The following DERL1 variants were observed in gnomAD, a reference collection of about 807,000 sequenced individuals.
The protein encoded by DERL1 is derlin-1.
In DERL1, 24 loss-of-function variants were observed where a neutral mutation model predicts 41.6. The ratio of observed to expected loss-of-function variants is 0.58; its 90% confidence interval spans 0.42 to 0.81. DERL1 has a LOEUF of 0.81. DERL1 is among the 30% of genes least tolerant of loss of function. The pLI is 0.00. For missense variants in DERL1, 260 were observed against 314.3 expected, an observed-to-expected ratio of 0.83 and a Z score of 1.31; for synonymous variants, 124 against 112.5, an observed-to-expected ratio of 1.10 and a Z score of -0.65.
chr8:123,033,784 A>G (rs1204193325), intron 1 of DERL1, among the ~76,000 whole-genome samples: 1 of 152,206 alleles, frequency 6.6e-6, no homozygotes, highest in Non-Finnish European at 1.5e-5. Flanking sequence ...TTCCAAGCAT[A>G]CAACCCTAGC....
intron 1 of DERL1, among the ~76,000 whole-genome samples, chr8:123,036,502 G>A (rs1812932312): frequency 6.6e-6 from 1 of 152,170 alleles, no homozygotes; most frequent in African/African-American, 2.4e-5. Context: ...TAGAGATTCT[G>A]TTTCTTGATC....
At chr8:123,034,695 G>A (rs1260387869) in intron 1 of DERL1, among the ~76,000 whole-genome samples, 2 of 152,172 alleles carry the variant, frequency 1.3e-5, no homozygotes, top group African/African-American at 4.8e-5. Flanking sequence ...ATTACAATTA[G>A]TGTAAGTGTT....
chr8:123,019,346 T>C (rs201953852), intron 6 of DERL1, 41 bp from the exon 7 acceptor site: 986 of 1,400,896 alleles, frequency 7.0e-4, no homozygotes, highest in Admixed American at 9.5e-4. Context: ...ATTCAAGCAA[T>C]AGAGATGCAC....
chr8:123,020,843 G>A (rs1166838627), intron 6 of DERL1, among the ~76,000 whole-genome samples: 1 of 149,726 alleles, frequency 6.7e-6, no homozygotes, highest in Non-Finnish European at 1.5e-5. Flanking sequence ...GCGGGCGCCT[G>A]TAATCCCAGC....
At chr8:123,028,911 A>C (rs1386439618) in intron 2 of DERL1, among the ~76,000 whole-genome samples, 3 of 152,094 alleles carry the variant, frequency 2.0e-5, no homozygotes, top group Non-Finnish European at 4.4e-5. Context: ...TACAAAAAAT[A>C]CAAAAGTCAG....
At position 123,030,775 on chromosome 8, in the gene DERL1, C is replaced by T. The variant is rs1812803774; in HGVS notation, c.154-59G>A. On this transcript the variant is annotated intron_variant, in intron 1 of 7. Transcript: ENST00000259512. Reference sequence around the variant, plus strand: ...TCTGTAAGCCTGGTTATTTCTTTCCCTTCTAACTAAACAAAATTAACAAAG... The same window carrying T: ...TCTGTAAGCCTGGTTATTTCTTTCCTTTCTAACTAAACAAAATTAACAAAG... 4.1e-6 allele frequency: 5 copies of T among 1,215,000 alleles called. 1 individual carries two copies. Among genetic ancestry groups the T allele is most frequent in the Non-Finnish European group, 6.0e-6 (5 of 839,048 alleles). The allele number at this position is 1,215,000 out of a possible 1,614,324, so 75.3% of individuals were successfully genotyped here.
intron 7 of DERL1, chr8:123,015,788 G>A (rs1814553399): frequency 3.9e-6 from 2 of 519,288 alleles, no homozygotes; most frequent in African/African-American, 1.9e-5. Context: ...CGTTTTTCAT[G>A]TTTCTTAAAT....
At chr8:123,030,057 C>CA (rs11427211) in intron 2 of DERL1, among the ~76,000 whole-genome samples, 82,204 of 151,542 alleles carry the variant, frequency 0.54, 22,934 homozygotes, top group East Asian at 0.7. Context: ...AAGATTGTCT[C>CA]AAAAAATAAA....
chr8:123,022,660 A>G, intron 5 of DERL1, 24 bp downstream of exon 5: 1 of 1,607,034 alleles, frequency 6.2e-7, no homozygotes, highest in Non-Finnish European at 8.5e-7. Context: ...TGAAAAGGAC[A>G]CTTTTCCAAC....
intron 7 of DERL1, chr8:123,016,601 TA>T (rs1685494174): frequency 6.6e-6 from 1 of 152,172 alleles, no homozygotes; most frequent in Non-Finnish European, 1.5e-5. Flanking sequence ...CCCCATGAGG[TA>T]GGCATTACTA....
Position 123,015,290 on chromosome 8 carries a change from T to A in DERL1, c.*157A>T. On this transcript the variant is annotated 3_prime_UTR_variant, in exon 8 of 8. Transcript: ENST00000259512. ...AATCGTGAAACTTGTGGAACACTTA[T>A]ATTTTTCTTCGGGATTTAAGAAACT... 1 of 1,015,040 alleles carries A rather than the reference T, an allele frequency of 9.9e-7. No individual in the cohort carries two copies. The highest frequency in any genetic ancestry group is 1.4e-6 in the Non-Finnish European group (1 of 723,930). The allele number at this position is 1,015,040 out of a possible 1,614,324, so 62.9% of individuals were successfully genotyped here.
At chr8:123,017,071 C>G (rs1814595758) in intron 7 of DERL1, 1 of 152,162 alleles carries the variant, frequency 6.6e-6, no homozygotes, top group Admixed American at 6.5e-5. Flanking sequence ...ATCTCCTGAC[C>G]TCGTGATCCA....
At chr8:123,015,792 C>G in intron 7 of DERL1, 2 of 501,016 alleles carry the variant, frequency 4.0e-6, no homozygotes, top group Middle Eastern at 5.0e-4. Flanking sequence ...TTTCATGTTT[C>G]TTAAATGTAT....
intron 1 of DERL1, among the ~76,000 whole-genome samples, chr8:123,036,694 A>T (rs1230405271): frequency 6.6e-6 from 1 of 152,188 alleles, no homozygotes; most frequent in Non-Finnish European, 1.5e-5. Flanking sequence ...ACTACTAAGG[A>T]AAGATCTTAA....
At chr8:123,026,126 G>C (rs1812683635) in intron 2 of DERL1, among the ~76,000 whole-genome samples, 1 of 151,986 alleles carries the variant, frequency 6.6e-6, no homozygotes, top group African/African-American at 2.4e-5. Context: ...AAGGCAAAAA[G>C]ATATAATTAA....
At chr8:123,023,801 G>A in intron 3 of DERL1, 62 bp from the exon 4 acceptor site, 2 of 1,558,698 alleles carry the variant, frequency 1.3e-6, no homozygotes, top group Non-Finnish European at 8.8e-7. Flanking sequence ...CAAGACTGAT[G>A]TGGTTATTTT....
At chr8:123,020,794 C>T (rs3109763) in intron 6 of DERL1, among the ~76,000 whole-genome samples, 1 of 82,822 alleles carries the variant, frequency 1.2e-5, no homozygotes, top group African/African-American at 3.7e-5. Flanking sequence ...TACTAAAAAT[C>T]CCAAAAAAAA....
chr8:123,024,820 A>G (rs2096370379), intron 3 of DERL1, among the ~76,000 whole-genome samples, 166 bp downstream of exon 3: 1 of 152,240 alleles, frequency 6.6e-6, no homozygotes. Context: ...CAAGGGCTAT[A>G]TGATTTACTA....
intron 1 of DERL1, among the ~76,000 whole-genome samples, chr8:123,040,762 G>C (rs1813040284): frequency 6.6e-6 from 1 of 152,142 alleles, no homozygotes; most frequent in African/African-American, 2.4e-5. Context: ...CAGATTGTGG[G>C]GTGTGAGAAA....
Sources: allele counts gnomAD v4.1 joint callset (sites outside exome capture counted in the v4.1 genomes callset), GRCh38; gene constraint gnomAD v4.1.1; transcripts MANE v1.5; gene names NCBI Gene and HGNC (gene_info 2026-07-23, HGNC 2026-07-21).